MSI2: variants seen among roughly 807,000 people sequenced by gnomAD.
MSI2 encodes the protein RNA-binding protein Musashi homolog 2.
Under a neutral mutation model 45.6 loss-of-function variants are expected in MSI2, and 17 were observed. That is an observed-to-expected ratio of 0.37 (90% CI 0.26 to 0.56). MSI2 has a LOEUF of 0.56. MSI2 is among the 20% of genes least tolerant of loss of function. The pLI is 0.77. For synonymous variants in MSI2, 156 were observed against 158.2 expected (o/e 0.99, Z 0.11); for missense variants, 293 against 444.2 (o/e 0.66, Z 3.06).
At chr17:57,489,602 G>T (rs2085827908) in intron 6 of MSI2, among the ~76,000 whole-genome samples, 1 of 152,246 alleles carries the variant, frequency 6.6e-6, no homozygotes, top group South Asian at 2.1e-4. Flanking sequence ...ACCTCTGTGG[G>T]TTGCGTGCCT....
chr17:57,629,426 C>G (rs1368811520), intron 10 of MSI2: 1 of 152,222 alleles, frequency 6.6e-6, no homozygotes, highest in Non-Finnish European at 1.5e-5. Context: ...GAGACTCTGT[C>G]TCAAAAATAA....
At chr17:57,258,194 T>C (rs1176331664) in intron 3 of MSI2, 76 bp from the exon 4 acceptor site, 1 of 1,323,470 alleles carries the variant, frequency 7.6e-7, no homozygotes, top group East Asian at 2.3e-5. Context: ...TCATTCAGCC[T>C]TAGGTCTCAC....
chr17:57,277,050 T>C (rs1908918478), intron 5 of MSI2, among the ~76,000 whole-genome samples: 1 of 143,392 alleles, frequency 7.0e-6, no homozygotes, highest in African/African-American at 2.7e-5. Context: ...TTGGTTTTCT[T>C]TTCTTTTTTT....
intron 6 of MSI2, among the ~76,000 whole-genome samples, chr17:57,417,735 G>A (rs1026682782): frequency 2.0e-5 from 3 of 152,274 alleles, no homozygotes; most frequent in African/African-American, 7.2e-5. Flanking sequence ...GGATTTGGCC[G>A]CCCAAGGAAA....
At chr17:57,536,405 A>G (rs574976671) in intron 7 of MSI2, among the ~76,000 whole-genome samples, 57 of 152,360 alleles carry the variant, frequency 3.7e-4, no homozygotes, top group Non-Finnish European at 7.3e-4. Flanking sequence ...AAGGATGTGT[A>G]GAATCACAGC....
At position 57,389,437 on chromosome 17, in the gene MSI2, G is replaced by T. The variant is rs544104492; in HGVS notation, c.313-11942G>T. 7.9e-5 allele frequency among the ~76,000 whole-genome samples: 12 copies of T among 152,232 alleles called. No homozygotes were observed. In the South Asian group the frequency reaches 2.5e-3, roughly 32 times the overall value. Reference sequence around the variant, plus strand: ...CACTAACAGTCCTTCTGCCAGACAGGCTGCAAAGGCCCTTCTCCCCTTTCT... The same window carrying T: ...CACTAACAGTCCTTCTGCCAGACAGTCTGCAAAGGCCCTTCTCCCCTTTCT... On this transcript the variant is annotated intron_variant, in intron 5 of 13. Coordinates refer to ENST00000284073, the MANE Select transcript of MSI2 (RefSeq NM_138962.4).
intron 9 of MSI2, among the ~76,000 whole-genome samples, chr17:57,617,879 C>T (rs573133621): frequency 1.3e-5 from 2 of 152,020 alleles, no homozygotes; most frequent in South Asian, 4.2e-4. Context: ...AAGACCAGTG[C>T]GGGCAACATG....
At chr17:57,447,216 A>C (rs537712651) in intron 6 of MSI2, among the ~76,000 whole-genome samples, 1 of 152,270 alleles carries the variant, frequency 6.6e-6, no homozygotes, top group African/African-American at 2.4e-5. Context: ...CCTCCCAAGT[A>C]GCTAGGGCTA....
chr17:57,352,369 G>A (rs1280144243), intron 5 of MSI2, among the ~76,000 whole-genome samples: 1 of 152,214 alleles, frequency 6.6e-6, no homozygotes, highest in Admixed American at 6.5e-5. Flanking sequence ...GAACTTAGAT[G>A]TCTGAATAGA....
At chr17:57,607,756 G>A (rs547897301) in intron 8 of MSI2, among the ~76,000 whole-genome samples, 11 of 152,336 alleles carry the variant, frequency 7.2e-5, no homozygotes, top group East Asian at 3.9e-4. Flanking sequence ...TGCCAACATC[G>A]CTAGGCTTCT....
chr17:57,318,500 A>G (rs993090776), intron 5 of MSI2, among the ~76,000 whole-genome samples: 1 of 152,050 alleles, frequency 6.6e-6, no homozygotes, highest in Admixed American at 6.5e-5. Context: ...GAGTGTGGCC[A>G]CCATATCACA....
At chr17:57,678,164 G>C (rs534643114) in intron 13 of MSI2, among the ~76,000 whole-genome samples, 1 of 152,168 alleles carries the variant, frequency 6.6e-6, no homozygotes, top group Non-Finnish European at 1.5e-5. Context: ...CTCCTGAGTC[G>C]GACCAGGTGG....
intron 5 of MSI2, among the ~76,000 whole-genome samples, chr17:57,380,867 C>T (rs139520490): frequency 7.3e-4 from 111 of 152,242 alleles, no homozygotes; most frequent in African/African-American, 2.5e-3. Context: ...ATCTTGGCAT[C>T]GAGTTATCCT....
At chr17:57,338,838 G>C (rs556374471) in intron 5 of MSI2, among the ~76,000 whole-genome samples, 3 of 152,190 alleles carry the variant, frequency 2.0e-5, no homozygotes, top group Non-Finnish European at 4.4e-5. Flanking sequence ...AGGGGCTGCC[G>C]AGATGGGGAA....
At chr17:57,344,335 G>C (rs1038035648) in intron 5 of MSI2, among the ~76,000 whole-genome samples, 1 of 152,106 alleles carries the variant, frequency 6.6e-6, no homozygotes, top group African/African-American at 2.4e-5. Flanking sequence ...TAACAATTTT[G>C]GTGCTCAAAT....
intron 7 of MSI2, among the ~76,000 whole-genome samples, chr17:57,554,121 T>C (rs1017794972): frequency 6.6e-6 from 1 of 151,782 alleles, no homozygotes; most frequent in Non-Finnish European, 1.5e-5. Context: ...CTAATAAAGA[T>C]GTACTAGCTT....
intron 6 of MSI2, among the ~76,000 whole-genome samples, chr17:57,526,877 G>A (rs983332816): frequency 4.6e-5 from 7 of 151,918 alleles, no homozygotes; most frequent in South Asian, 2.1e-4. Context: ...TTGTACAGCC[G>A]GACTACAGAG....
chr17:57,597,907 T>C (rs772544875), intron 8 of MSI2, among the ~76,000 whole-genome samples: 6 of 152,246 alleles, frequency 3.9e-5, no homozygotes, highest in Admixed American at 6.5e-5. Flanking sequence ...TCTCTTTGGC[T>C]CTTTAAAGTT....
intron 5 of MSI2, among the ~76,000 whole-genome samples, chr17:57,285,201 GC>G (rs764540311): frequency 1.7e-4 from 26 of 152,316 alleles, no homozygotes; most frequent in Non-Finnish European, 8.8e-5. Context: ...AGGTTAGATA[GC>G]AACAAACTTT....
Sources: gnomAD v4.1 joint callset for allele counts (sites outside exome capture counted in the v4.1 genomes callset) on GRCh38, gnomAD v4.1.1 for gene constraint, MANE v1.5 for transcripts, NCBI Gene and HGNC (gene_info 2026-07-23, HGNC 2026-07-21) for gene names.